TSHZ3: variants seen among roughly 807,000 people sequenced by gnomAD.
TSHZ3 encodes the protein teashirt zinc finger homeobox 3, also known as teashirt homolog 3.
In TSHZ3, 10 loss-of-function variants were observed where a neutral mutation model predicts 64.5. The observed-to-expected ratio is 0.16, with a 90% CI of 0.10 to 0.26. The LOEUF is 0.26. TSHZ3 is among the 10% of genes least tolerant of loss of function. TSHZ3 has a pLI of 1.00. For missense variants in TSHZ3, 1,242 were observed against 1,421.7 expected, an observed-to-expected ratio of 0.87 and a Z score of 2.03; for synonymous variants, 608 against 593.1, an observed-to-expected ratio of 1.03 and a Z score of -0.36.
intron 1 of TSHZ3, among the ~76,000 whole-genome samples, chr19:31,306,479 G>A (rs1916299540): frequency 6.6e-6 from 1 of 152,174 alleles, no homozygotes; most frequent in Admixed American, 6.5e-5. Flanking sequence ...AGCAAAGGCG[G>A]CTTCCATCAT....
chr19:31,294,735 C>G (rs1976633986), intron 1 of TSHZ3, among the ~76,000 whole-genome samples: 1 of 151,988 alleles, frequency 6.6e-6, no homozygotes, highest in South Asian at 2.1e-4. Context: ...CTTAAGTATC[C>G]CATCTCACAT....
At chr19:31,316,125 G>C (rs1358296406) in intron 1 of TSHZ3, among the ~76,000 whole-genome samples, 2 of 152,192 alleles carry the variant, frequency 1.3e-5, no homozygotes, top group Non-Finnish European at 2.9e-5. Context: ...ACGCCCCTAA[G>C]AGAGTCCAAA....
At chr19:31,205,049 C>T (rs1311710759) in exon 5 of TSHZ3, 1 of 152,192 alleles carries the variant, frequency 6.6e-6, no homozygotes, top group African/African-American at 2.4e-5. Flanking sequence ...CTCAGTAGGG[C>T]TGCGATCCTT....
At chr19:31,217,150 G>A (rs527695620) in intron 4 of TSHZ3, among the ~76,000 whole-genome samples, 24 of 152,172 alleles carry the variant, frequency 1.6e-4, no homozygotes, top group Non-Finnish European at 3.1e-4. Flanking sequence ...CATCCAACCT[G>A]TGAAAATCTC....
intron 5 of TSHZ3, among the ~76,000 whole-genome samples, chr19:31,180,859 C>T (rs149739063): frequency 1.3e-5 from 2 of 152,164 alleles, no homozygotes; most frequent in Non-Finnish European, 2.9e-5. Context: ...CACGCTGGGG[C>T]AGGCATGTAA....
At chr19:31,320,934 C>T (rs1461867169) in intron 1 of TSHZ3, among the ~76,000 whole-genome samples, 1 of 152,188 alleles carries the variant, frequency 6.6e-6, no homozygotes, top group Non-Finnish European at 1.5e-5. Context: ...CCCTACGGGT[C>T]CTGCTGAGAT....
downstream of TSHZ3, among the ~76,000 whole-genome samples, chr19:31,272,540 T>C (rs1475456955): frequency 6.6e-6 from 1 of 152,138 alleles, no homozygotes; most frequent in African/African-American, 2.4e-5. Context: ...CTAACTTACA[T>C]GTAAGGATTT....
At chr19:31,274,081 G>A (rs904512523), downstream of TSHZ3, among the ~76,000 whole-genome samples, 27 of 152,026 alleles carry the variant, frequency 1.8e-4, no homozygotes, top group Admixed American at 2.6e-4. Context: ...CGGAAAAACC[G>A]TAGGCGTGTT....
At chr19:31,242,326 G>A (rs185217225) in exon 3 of TSHZ3, among the ~76,000 whole-genome samples, 2 of 152,320 alleles carry the variant, frequency 1.3e-5, no homozygotes, top group East Asian at 1.9e-4. Flanking sequence ...GAGACCCAGG[G>A]ATGCCTGCAG....
At chr19:31,199,054 C>T (rs1486543553) in intron 5 of TSHZ3, among the ~76,000 whole-genome samples, 1 of 152,036 alleles carries the variant, frequency 6.6e-6, no homozygotes, top group Admixed American at 6.6e-5. Context: ...GATGTGGTAT[C>T]GTCAAAAAAT....
chr19:31,253,965 A>G (rs1165842856), intron 1 of TSHZ3, among the ~76,000 whole-genome samples: 1 of 152,232 alleles, frequency 6.6e-6, no homozygotes, highest in African/African-American at 2.4e-5. Context: ...GTCAAAGGAC[A>G]GCTGGGTGTG....
rs756984030 is a variant in TSHZ3 at position 31,277,839 on chromosome 19, C to T, written c.1954G>A (p.Glu652Lys). 1 of 1,581,040 alleles carries T rather than the reference C, an allele frequency of 6.3e-7. No homozygotes were observed. The highest frequency in any genetic ancestry group is 1.4e-5 in the African/African-American group (1 of 73,888). ...TPSPCSSEVGEPIKMEASSDG... is the reference protein window; with the variant it reads ...TPSPCSSEVGKPIKMEASSDG... ...CTGGATGCCTCCATCTTGATGGGTT[C>T]CCCGACTTCGCTGCTACATGGGGAG... Residue 652 changes from glutamate (E) to lysine (K), a missense_variant, in exon 2 of 2, where the codon GAA (glutamate) becomes AAA (lysine). Around this residue, in one of 4 missense-constraint regions of TSHZ3, gnomAD observed 550 missense variants for 545.1 expected, o/e 1.01. Coordinates refer to ENST00000240587, the MANE Select transcript of TSHZ3 (RefSeq NM_020856.4). This position sits in a 1 kb window ranked among gnomAD's most constrained non-coding sequence, Gnocchi z 4.5.
At chr19:31,337,624 A>G (rs1917289336) in intron 1 of TSHZ3, among the ~76,000 whole-genome samples, 1 of 152,034 alleles carries the variant, frequency 6.6e-6, no homozygotes, top group Non-Finnish European at 1.5e-5. Flanking sequence ...ATTCTACCCA[A>G]TTTTTGGCAG....
intron 5 of TSHZ3, among the ~76,000 whole-genome samples, chr19:31,181,382 T>A (rs554769555): frequency 6.6e-6 from 1 of 152,006 alleles, no homozygotes; most frequent in East Asian, 1.9e-4. Flanking sequence ...TTACCAGGGG[T>A]CATGTTATCT....
At position 31,277,217 on chromosome 19, in the gene TSHZ3, G is replaced by A. The variant is rs779604719; in HGVS notation, c.2576C>T (p.Thr859Met). Residue 859 changes from threonine (T) to methionine (M), a missense_variant, in exon 2 of 2, where the codon ACG (threonine) becomes ATG (methionine). Coordinates refer to ENST00000240587, the MANE Select transcript of TSHZ3 (RefSeq NM_020856.4). The surrounding 1 kb of genome is among the most constrained non-coding windows in gnomAD (Gnocchi z 4.5). ...GCTGGAAGGAGTGGAGGATTTTGAC[G>A]TGTGGCTCTCTGTCAAGTTCTTCAG... ...DMLKNLTESH[T>M]SKSSTPSSIS... 8 of 1,614,186 alleles carry A rather than the reference G, an allele frequency of 5.0e-6. No homozygotes were observed. The East Asian group carries it at 8.9e-5, about 18-fold the overall frequency.
chr19:31,326,949 G>A (rs917208360), intron 1 of TSHZ3, among the ~76,000 whole-genome samples: 7 of 152,220 alleles, frequency 4.6e-5, no homozygotes, highest in African/African-American at 7.2e-5. Flanking sequence ...AAATACAGGG[G>A]AGAAGTCCAG....
At chr19:31,171,414 T>A (rs1039755980) in intron 5 of TSHZ3, among the ~76,000 whole-genome samples, 4 of 151,654 alleles carry the variant, frequency 2.6e-5, no homozygotes, top group Admixed American at 6.6e-5. Context: ...AAATTAGGGG[T>A]TTATATAGCA....
intron 5 of TSHZ3, among the ~76,000 whole-genome samples, chr19:31,197,087 G>A (rs1288576751): frequency 6.6e-6 from 1 of 151,848 alleles, no homozygotes; most frequent in Non-Finnish European, 1.5e-5. Context: ...GCAAATTAAA[G>A]AAAATAGAAA....
At chr19:31,224,302 G>C (rs531424876) in intron 4 of TSHZ3, among the ~76,000 whole-genome samples, 1 of 152,334 alleles carries the variant, frequency 6.6e-6, no homozygotes, top group South Asian at 2.1e-4. Context: ...GGGAGTTATA[G>C]TCAACCATGG....
Sources: gnomAD v4.1 joint callset for allele counts (sites outside exome capture counted in the v4.1 genomes callset) on GRCh38, gnomAD v4.1.1 for gene constraint, gnomAD v4.1.1 regional missense constraint, Gnocchi (gnomAD v3.1) non-coding constraint, MANE v1.5 for transcripts, NCBI Gene and HGNC (gene_info 2026-07-23, HGNC 2026-07-21) for gene names.